AHSA1: variants seen among roughly 807,000 people sequenced by gnomAD.
AHSA1 encodes the protein activator of HSP90 ATPase activity 1, also known as activator of 90 kDa heat shock protein ATPase homolog 1.
Under a neutral mutation model 46.1 loss-of-function variants are expected in AHSA1, and 14 were observed. The ratio of observed to expected loss-of-function variants is 0.30; its 90% CI spans 0.20 to 0.47. The LOEUF (loss-of-function observed/expected upper bound fraction) is 0.47, where lower values mean the gene tolerates loss of function less well. AHSA1 is among the 20% of genes least tolerant of loss of function. The probability of loss-of-function intolerance (pLI) is 0.99; values close to 1 mark genes in which losing one functional copy is unlikely to be tolerated. For synonymous variants in AHSA1, 147 were observed against 145.8 expected (o/e 1.01, Z -0.06); for missense variants, 333 against 415.9 (o/e 0.80, Z 1.73).
chr14:77,459,975 G>A (rs2079014652), intron 2 of AHSA1, 169 bp downstream of exon 2: 1 of 717,882 alleles, frequency 1.4e-6, no homozygotes, highest in Non-Finnish European at 2.3e-6. Flanking sequence ...CTTTGCCATT[G>A]TGGGATGCTA....
chr14:77,467,324 A>C (rs1178757916), intron 6 of AHSA1, among the ~76,000 whole-genome samples: 3 of 151,520 alleles, frequency 2.0e-5, no homozygotes, highest in African/African-American at 7.3e-5. Flanking sequence ...ACCTAAGCTT[A>C]GGAGGTCGGG....
intron 2 of AHSA1, among the ~76,000 whole-genome samples, chr14:77,460,926 A>G (rs985678227): frequency 4.2e-4 from 64 of 150,702 alleles, no homozygotes; most frequent in African/African-American, 1.4e-3. Flanking sequence ...TTGGGAGGCC[A>G]AGGTGGGCGG....
chr14:77,466,276 C>T (rs8010520), intron 6 of AHSA1: 102,404 of 152,338 alleles, frequency 0.67, 35,562 homozygotes, highest in East Asian at 0.96. Context: ...GTGCCTGTTC[C>T]AGTTTTGGGT....
chr14:77,464,810 TG>T (rs1386782644), intron 5 of AHSA1, 124 bp downstream of exon 5: 27 of 792,530 alleles, frequency 3.4e-5, no homozygotes, highest in Non-Finnish European at 5.4e-5. Context: ...GATCTGCTCA[TG>T]GTGCTTTTTC....
chr14:77,463,544 C>A lies in AHSA1; in HGVS notation c.472+785C>A, dbSNP rs550762314. ...AAGGTTGCGGTGAGCCAAGAACGCG[C>A]CATTGCACTCCAGCCTGGGTGACAG... On this transcript the variant is annotated intron_variant, in intron 4 of 8. Coordinates refer to ENST00000216479, the MANE Select transcript of AHSA1 (RefSeq NM_012111.3). 2.1e-5 allele frequency among the ~76,000 whole-genome samples: 3 copies of A among 146,326 alleles called. No homozygotes were observed. The East Asian group carries it at 6.1e-4, about 30-fold the overall frequency.
chr14:77,464,758 T>C (rs553504807), intron 5 of AHSA1, 72 bp downstream of exon 5: 21 of 1,347,254 alleles, frequency 1.6e-5, no homozygotes, highest in Admixed American at 1.2e-4. Context: ...ATTCCACATA[T>C]CAGCTCTCTG....
At chr14:77,467,104 T>A (rs1423919506) in intron 6 of AHSA1, among the ~76,000 whole-genome samples, 1 of 152,156 alleles carries the variant, frequency 6.6e-6, no homozygotes, top group East Asian at 1.9e-4. Flanking sequence ...ACTGATTTCA[T>A]ATATATGGAG....
intron 4 of AHSA1, among the ~76,000 whole-genome samples, chr14:77,463,877 C>T (rs2079036871): frequency 6.6e-6 from 1 of 152,168 alleles, no homozygotes; most frequent in South Asian, 2.1e-4. Flanking sequence ...AGGACCAGTA[C>T]ACCAGTGCCA....
Position 77,469,229 on chromosome 14 carries a change from T to A in AHSA1, c.997T>A (p.Tyr333Asn). The A allele has an allele frequency of 2.5e-6, 4 of 1,614,014 alleles. No individual in the cohort carries two copies. Among genetic ancestry groups the A allele is most frequent in the Non-Finnish European group, 3.4e-6 (4 of 1,179,940 alleles). ...YFEGIKQTFG[Y>N]GARLF ...TGAGGGCATTAAACAGACCTTTGGC[T>A]ATGGCGCACGCTTATTTTAGGGCCA... is the stretch of plus-strand genomic sequence containing the variant. Residue 333 changes from tyrosine to asparagine, a missense_variant, in exon 9 of 9, where the codon TAT becomes AAT. Physicochemically the swap from Tyr to Asn is moderately radical, Grantham distance 143 (BLOSUM62 -2). Coordinates refer to ENST00000216479, the MANE Select transcript of AHSA1 (RefSeq NM_012111.3).
At chr14:77,468,696 G>A in intron 8 of AHSA1, 188 bp downstream of exon 8, 2 of 495,762 alleles carry the variant, frequency 4.0e-6, no homozygotes, top group Non-Finnish European at 7.1e-6. Context: ...CCAAGTAGCT[G>A]AGACTACGTG....
Position 77,468,204 on chromosome 14 carries a change from A to G in AHSA1, c.792+20A>G. Reference sequence around the variant, plus strand: ...GATCTGGTGAGTACCTGCCGGCCCTAGACTCAGGTTATTGCCTCTGGTCAG... The same window carrying G: ...GATCTGGTGAGTACCTGCCGGCCCTGGACTCAGGTTATTGCCTCTGGTCAG... On this transcript the variant is annotated intron_variant, in intron 7 of 8. Transcript: ENST00000216479. 2.0e-6 allele frequency: 3 copies of G among 1,491,552 alleles called. No homozygotes were observed. In the South Asian group the frequency reaches 3.7e-5, roughly 18 times the overall value. The allele number at this position is 1,491,552 out of a possible 1,614,324, so 92.4% of individuals were successfully genotyped here. A position where few individuals can be genotyped will look rare whatever the true frequency, so the allele number is the denominator to read the frequency against.
At chr14:77,468,431 T>G in intron 7 of AHSA1, 26 bp from the exon 8 acceptor site, 1 of 1,602,700 alleles carries the variant, frequency 6.2e-7, no homozygotes, top group Non-Finnish European at 8.5e-7. Context: ...GTATATAATA[T>G]AGACTGAGCT....
intron 1 of AHSA1, among the ~76,000 whole-genome samples, chr14:77,458,879 A>G (rs186462524): frequency 1.3e-5 from 2 of 152,300 alleles, no homozygotes; most frequent in Admixed American, 1.3e-4. Flanking sequence ...CCTTCATGAA[A>G]TCTTCCCAAA....
At position 77,462,146 on chromosome 14, in the gene AHSA1, A is replaced by G; in HGVS notation, c.272-14A>G. Reference sequence around the variant, plus strand: ...CCAAGGAGTGGACTAATGACATTGCATTGGTTTTGACAGGTACTTCTAAGT... The same window carrying G: ...CCAAGGAGTGGACTAATGACATTGCGTTGGTTTTGACAGGTACTTCTAAGT... On this transcript the variant is annotated splice_polypyrimidine_tract_variant and intron_variant, in intron 2 of 8. Coordinates refer to ENST00000216479, the MANE Select transcript of AHSA1 (RefSeq NM_012111.3). 2 of 1,592,472 alleles carry G rather than the reference A, an allele frequency of 1.3e-6. No individual in the cohort carries two copies. The highest frequency in any genetic ancestry group is 1.3e-5 in the African/African-American group (1 of 74,642).
chr14:77,459,294 A>G (rs1209754913), intron 1 of AHSA1, among the ~76,000 whole-genome samples: 1 of 152,184 alleles, frequency 6.6e-6, no homozygotes, highest in Non-Finnish European at 1.5e-5. Flanking sequence ...TCTCAGCAAT[A>G]TGTGCAGTTT....
At chr14:77,459,509 T>C in intron 1 of AHSA1, 107 bp from the exon 2 acceptor site, 1 of 1,175,782 alleles carries the variant, frequency 8.5e-7, no homozygotes, top group South Asian at 1.4e-5. Context: ...AGTTTTTGTG[T>C]TCTTTTCAAA....
At chr14:77,459,917 G>C in intron 2 of AHSA1, 111 bp downstream of exon 2, 1 of 1,257,988 alleles carries the variant, frequency 7.9e-7, no homozygotes, top group South Asian at 1.3e-5. Flanking sequence ...GAAGGCAGAT[G>C]TTGCTGCTTT....
At chr14:77,461,973 C>T (rs68114837) in intron 2 of AHSA1, among the ~76,000 whole-genome samples, 187 bp from the exon 3 acceptor site, 19,690 of 152,188 alleles carry the variant, frequency 0.13, 1,392 homozygotes, top group Middle Eastern at 0.2. Flanking sequence ...TTTCCAGTAA[C>T]CTGGTGAGGA....
Position 77,469,146 on chromosome 14 carries a change from G to T in AHSA1, c.914G>T (p.Arg305Leu). The change falls in exon 9 of 9, where the codon CGA (arginine) becomes CTA (leucine). Residue 305 changes from arginine (R) to leucine (L), a missense_variant. Coordinates refer to ENST00000216479, the MANE Select transcript of AHSA1 (RefSeq NM_012111.3). ...GAGACTGAGCTGTGCATGGAAGGTC[G>T]AGGCATCCCTGCTCCTGAGGAAGAG... ...NGETELCMEG[R>L]GIPAPEEERT... 1 of 1,614,170 alleles carries T rather than the reference G, an allele frequency of 6.2e-7. No individual in the cohort carries two copies. Among genetic ancestry groups the T allele is most frequent in the Non-Finnish European group, 8.5e-7 (1 of 1,180,034 alleles).
Sources: allele counts gnomAD v4.1 joint callset (sites outside exome capture counted in the v4.1 genomes callset), GRCh38; gene constraint gnomAD v4.1.1; transcripts MANE v1.5; gene names NCBI Gene and HGNC (gene_info 2026-07-23, HGNC 2026-07-21).